The following ALG1 variants were observed in gnomAD, a reference collection of about 807,000 sequenced individuals.
ALG1 encodes the protein ALG1 chitobiosyldiphosphodolichol beta-mannosyltransferase.
Under a neutral mutation model 55.1 loss-of-function variants are expected in ALG1, and 58 were observed. That is an observed-to-expected ratio of 1.05 (90% CI 0.85 to 1.31). The LOEUF is 1.31. ALG1 is among the 50% of genes most tolerant of loss of function. The pLI is 0.00. For synonymous variants in ALG1, 309 were observed against 247.0 expected (o/e 1.25, Z -2.35); for missense variants, 761 against 598.6 (o/e 1.27, Z -2.83).
chr16:5,078,701 C>A lies in ALG1; in HGVS notation c.741-56C>A. ...CCTCGCCACGGCAGGAGATGCCTCT[C>A]CTGGGTCCCGGGCCTGCTCTATGGC... On this transcript the variant is annotated intron_variant, in intron 6 of 12. Coordinates refer to ENST00000262374, the MANE Select transcript of ALG1 (RefSeq NM_019109.5). 1.9e-6 allele frequency: 3 copies of A among 1,611,788 alleles called. No individual in the cohort carries two copies. The South Asian group carries it at 3.3e-5, about 18-fold the overall frequency.
At chr16:5,082,426 C>T (rs1242572428) in intron 10 of ALG1, 133 bp from the exon 11 acceptor site, 3 of 941,956 alleles carry the variant, frequency 3.2e-6, no homozygotes, top group Non-Finnish European at 5.0e-6. Context: ...CAGCTTAAGC[C>T]ACTTGTGTTT....
chr16:5,083,852 G>T, intron 12 of ALG1, 95 bp downstream of exon 12: 1 of 1,573,264 alleles, frequency 6.4e-7, no homozygotes, highest in Admixed American at 1.7e-5. Context: ...GCCAGGGTGG[G>T]ACCATGTGGG....
At chr16:5,083,328 CTTT>C (rs1957048797) in intron 11 of ALG1, among the ~76,000 whole-genome samples, 1 of 152,206 alleles carries the variant, frequency 6.6e-6, no homozygotes, top group Admixed American at 6.5e-5. Context: ...GAAAAGTCAT[CTTT>C]TATGTGCTGA....
In ALG1 at chr16:5,085,163, C is replaced by G; in HGVS notation, c.*282C>G. ...CTGTTCTGTGACTTCCCTGTGACCT[C>G]TGCAGAACTCCTCATCCTGCGTTTG... is the stretch of plus-strand genomic sequence containing the variant. On this transcript the variant is annotated 3_prime_UTR_variant, in exon 13 of 13. Transcript: ENST00000262374. 3.3e-6 allele frequency: 2 copies of G among 599,700 alleles called. No individual in the cohort carries two copies. Among genetic ancestry groups the G allele is most frequent in the East Asian group, 5.8e-5 (2 of 34,606 alleles). The allele number at this position is 599,700 out of a possible 1,614,324, so 37.1% of individuals were successfully genotyped here.
chr16:5,071,885 T>TCTGCTGCTGCCG lies in ALG1; in HGVS notation c.47_58dup (p.Pro16_Leu19dup), dbSNP rs1414667961. ...CATGCTTGGTCCTGCTGGCGCTGTG[T>TCTGCTGCTGCCG]CTGCTGCTGCCGCTGCTGCTGCTGG... On this transcript the variant is annotated inframe_insertion, in exon 1 of 13. Transcript: ENST00000262374. 33 of 1,603,096 alleles carry TCTGCTGCTGCCG rather than the reference T, an allele frequency of 2.1e-5. No homozygotes were observed. The highest frequency in any genetic ancestry group is 2.5e-5 in the Non-Finnish European group (29 of 1,176,974).
At chr16:5,072,360 G>A (rs1956831578) in intron 1 of ALG1, 6 of 882,884 alleles carry the variant, frequency 6.8e-6, no homozygotes, top group Non-Finnish European at 8.2e-6. Flanking sequence ...CTACGTCCCT[G>A]TGCAGCTACC....
chr16:5,073,078 G>A, intron 2 of ALG1, 50 bp downstream of exon 2: 1 of 1,611,558 alleles, frequency 6.2e-7, no homozygotes, highest in Non-Finnish European at 8.5e-7. Flanking sequence ...GCTGGGGGCA[G>A]GGGGTGTTCG....
chr16:5,076,589 G>C (rs958830019), intron 4 of ALG1, among the ~76,000 whole-genome samples: 10 of 152,182 alleles, frequency 6.6e-5, no homozygotes, highest in African/African-American at 2.4e-4. Context: ...TGATACCCTG[G>C]CGGTGATAAA....
Position 5,086,675 on chromosome 16 carries a change from T to C in ALG1, c.*1794T>C, listed in dbSNP as rs1389511721. On this transcript the variant is annotated 3_prime_UTR_variant, in exon 13 of 13. Coordinates refer to ENST00000262374, the MANE Select transcript of ALG1 (RefSeq NM_019109.5). ...AGTGATGCTCCTGCCTCAGCCTCTT[T>C]TATTATTTGTTTTTAGACGAAGTTT... 3.3e-5 allele frequency: 5 copies of C among 151,888 alleles called. No individual in the cohort carries two copies. Among genetic ancestry groups the C allele is most frequent in the African/African-American group, 7.3e-5 (3 of 41,310 alleles). 9.4% of individuals were successfully genotyped at this position (151,888 alleles called of 1,614,324 possible).
intron 1 of ALG1, chr16:5,072,301 C>T: frequency 7.0e-7 from 1 of 1,420,600 alleles, no homozygotes. Context: ...CGTAATTCTC[C>T]TAGTAAGTGG....
intron 9 of ALG1, 77 bp downstream of exon 9, chr16:5,079,884 C>A (rs765066683): frequency 3.3e-6 from 5 of 1,526,490 alleles, no homozygotes; most frequent in Admixed American, 3.3e-5. Flanking sequence ...TTACCCTGTG[C>A]TTCCCATGAT....
In ALG1 at chr16:5,082,628, A is replaced by T. The variant is rs1957035414; in HGVS notation, c.1142A>T (p.Asp381Val). The T allele has an allele frequency of 6.2e-7, 1 of 1,611,860 alleles. No individual in the cohort carries two copies. The highest frequency in any genetic ancestry group is 1.3e-5 in the African/African-American group (1 of 74,850). Residue 381 changes from aspartate (D) to valine (V), a missense_variant, in exon 11 of 13, where the codon GAC becomes GTC. Asp to Val is a radical substitution (Grantham distance 152, BLOSUM62 -3). Transcript: ENST00000262374. ...SGLDLPMKVV[D>V]MFGCCLPVCA... is the part of the protein sequence containing the mutation. ...CTGGACCTGCCCATGAAGGTGGTGG[A>T]CATGTTCGGGTGCTGTTTGCCTGTG...
intron 5 of ALG1, 116 bp downstream of exon 5, chr16:5,077,650 G>T: frequency 8.5e-7 from 1 of 1,171,320 alleles, no homozygotes; most frequent in Non-Finnish European, 1.3e-6. Flanking sequence ...AATACTGAGG[G>T]CCTGGGAGGT....
At chr16:5,075,593 A>T (rs745867030) in intron 4 of ALG1, 57 bp downstream of exon 4, 15 of 1,605,386 alleles carry the variant, frequency 9.3e-6, no homozygotes, top group Non-Finnish European at 1.1e-5. Flanking sequence ...AGGATGAGTG[A>T]GAAGAAGGGC....
chr16:5,075,609 T>C, intron 4 of ALG1, 73 bp downstream of exon 4: 1 of 1,592,664 alleles, frequency 6.3e-7, no homozygotes, highest in Non-Finnish European at 8.6e-7. Flanking sequence ...AGGGCCATAG[T>C]GGGCCTCCGG....
rs774092984 is a variant in ALG1, at chr16:5,077,897, T to A, written c.630-10T>A. The A allele has an allele frequency of 3.1e-6, 5 of 1,607,242 alleles. No homozygotes were observed. The East Asian group carries it at 1.1e-4, about 36-fold the overall frequency. ...GCCCTCCCAATAGCCCCGTCATGATTTCATTGCAGGGCTGTGACCGTCTAC... is the reference window on the plus strand; with the variant it reads ...GCCCTCCCAATAGCCCCGTCATGATATCATTGCAGGGCTGTGACCGTCTAC... On this transcript the variant is annotated splice_polypyrimidine_tract_variant and intron_variant, in intron 5 of 12. Transcript: ENST00000262374.
intron 1 of ALG1, 59 bp downstream of exon 1, chr16:5,072,116 A>C: frequency 1.3e-6 from 2 of 1,549,912 alleles, no homozygotes; most frequent in Non-Finnish European, 1.7e-6. Context: ...CCTCGGTTCT[A>C]ACCGCCCCGG....
intron 5 of ALG1, 87 bp from the exon 6 acceptor site, chr16:5,077,820 G>A (rs947034731): frequency 3.1e-4 from 395 of 1,264,348 alleles, no homozygotes; most frequent in East Asian, 6.0e-4. Flanking sequence ...TTCCCCAAGC[G>A]TCCTTCTTTT....
chr16:5,074,443 A>G (rs1353274280), intron 3 of ALG1, among the ~76,000 whole-genome samples: 1 of 152,116 alleles, frequency 6.6e-6, no homozygotes, highest in Non-Finnish European at 1.5e-5. Context: ...AACCATCGTG[A>G]CCCACACCTT....
Sources: gnomAD v4.1 joint callset for allele counts (sites outside exome capture counted in the v4.1 genomes callset) on GRCh38, gnomAD v4.1.1 for gene constraint, MANE v1.5 for transcripts, NCBI Gene and HGNC (gene_info 2026-07-23, HGNC 2026-07-21) for gene names.